Variants in OR2C1 observed in about 807,000 individuals in gnomAD.
OR2C1 encodes the protein olfactory receptor 2C1.
For synonymous variants in OR2C1, 209 were observed against 167.3 expected, an observed-to-expected ratio of 1.25 and a Z score of -1.92; for missense variants, 468 against 388.3, an observed-to-expected ratio of 1.21 and a Z score of -1.73.
chr16:3,352,131 T>G (rs1432481199), upstream of OR2C1, among the ~76,000 whole-genome samples: 1 of 152,126 alleles, frequency 6.6e-6, no homozygotes, highest in Non-Finnish European at 1.5e-5. Context: ...TTTAATTTTT[T>G]TTTGAGACAG....
chr16:3,327,328 A>C, the OR2C1 span, among the ~76,000 whole-genome samples: 1 of 152,128 alleles, frequency 6.6e-6, no homozygotes, highest in Non-Finnish European at 1.5e-5. Context: ...ACCCTTAAAT[A>C]GTTCAGTTTG....
chr16:3,356,342 C>T lies in OR2C1; in HGVS notation c.402C>T (p.Ala134=). ...VAVCRPLRYT[A]IMNPQLCWLL... ...TGTGCCGGCCCCTCCGCTACACCGC[C>T]ATCATGAACCCCCAGCTCTGCTGGC... Residue 134 remains alanine (A), a synonymous_variant, in exon 1 of 1, where the codon GCC becomes GCT. Transcript: ENST00000304936. 1.9e-6 allele frequency: 3 copies of T among 1,613,510 alleles called. No individual in the cohort carries two copies. Among genetic ancestry groups the T allele is most frequent in the South Asian group, 1.1e-5 (1 of 91,082 alleles).
chr16:3,331,663 G>C, the OR2C1 span, among the ~76,000 whole-genome samples: 3 of 151,912 alleles, frequency 2.0e-5, no homozygotes, highest in Non-Finnish European at 4.4e-5. Flanking sequence ...CCCATTGCTT[G>C]TTTTTGTCAG....
chr16:3,341,716 T>G, the OR2C1 span, among the ~76,000 whole-genome samples: 1 of 152,214 alleles, frequency 6.6e-6, no homozygotes, highest in African/African-American at 2.4e-5. Flanking sequence ...GTATGAGCTC[T>G]GTCACTGTGG....
chr16:3,335,905 T>G, the OR2C1 span, among the ~76,000 whole-genome samples: 1 of 152,202 alleles, frequency 6.6e-6, no homozygotes, highest in African/African-American at 2.4e-5. Context: ...GGAAGCCCTT[T>G]ATTTCTTTCT....
the OR2C1 span, among the ~76,000 whole-genome samples, chr16:3,338,390 C>T: frequency 6.6e-6 from 1 of 152,076 alleles, no homozygotes; most frequent in East Asian, 1.9e-4. Flanking sequence ...GATCTTTTAT[C>T]TTCCAGTGTA....
the OR2C1 span, among the ~76,000 whole-genome samples, chr16:3,338,538 C>CTT: frequency 4.8e-5 from 5 of 103,288 alleles, no homozygotes; most frequent in East Asian, 3.6e-4. Flanking sequence ...GTATAGGTAC[C>CTT]TTTTTTTTTT....
At chr16:3,351,551 G>T (rs1207270900), upstream of OR2C1, among the ~76,000 whole-genome samples, 1 of 152,016 alleles carries the variant, frequency 6.6e-6, no homozygotes, top group Non-Finnish European at 1.5e-5. Context: ...CTCCCGTCTT[G>T]GCCATACTTC....
upstream of OR2C1, among the ~76,000 whole-genome samples, chr16:3,355,671 A>G (rs2030653734): frequency 6.6e-6 from 1 of 151,936 alleles, no homozygotes; most frequent in South Asian, 2.1e-4. Context: ...GGTCACAGTT[A>G]CTTGGGAGGC....
At chr16:3,347,818 GAACA>G in the OR2C1 span, among the ~76,000 whole-genome samples, 1 of 115,980 alleles carries the variant, frequency 8.6e-6, no homozygotes, top group African/African-American at 2.7e-5. Context: ...GTGCACACAC[GAACA>G]CACATGCACA....
At chr16:3,328,900 C>A in the OR2C1 span, among the ~76,000 whole-genome samples, 3 of 152,036 alleles carry the variant, frequency 2.0e-5, no homozygotes, top group South Asian at 2.1e-4. Context: ...TTGGTCTTTC[C>A]TTCACTTACT....
At chr16:3,348,692 C>T in the OR2C1 span, among the ~76,000 whole-genome samples, 1 of 152,236 alleles carries the variant, frequency 6.6e-6, no homozygotes, top group Non-Finnish European at 1.5e-5. Flanking sequence ...ATACTCTCCA[C>T]CCTTAGAGTG....
chr16:3,325,460 A>AAT, the OR2C1 span, among the ~76,000 whole-genome samples: 3,155 of 91,996 alleles, frequency 0.034, 63 homozygotes, highest in Non-Finnish European at 0.042. Context: ...TATGTCTAAA[A>AAT]ATATATATAT....
At chr16:3,352,902 C>CT (rs372600272), upstream of OR2C1, among the ~76,000 whole-genome samples, 1 of 150,320 alleles carries the variant, frequency 6.7e-6, no homozygotes, top group African/African-American at 2.5e-5. Flanking sequence ...GCACCACGCC[C>CT]GGATAATTTT....
the OR2C1 span, among the ~76,000 whole-genome samples, chr16:3,338,538 C>CTTTTTTTTTTTTTTTTTT: frequency 1.5e-4 from 15 of 103,348 alleles, 2 homozygotes; most frequent in South Asian, 7.1e-4. Flanking sequence ...GTATAGGTAC[C>CTTTTTTTTTTTTTTTTTT]TTTTTTTTTT....
chr16:3,356,947 C>T lies in OR2C1; in HGVS notation c.*68C>T, dbSNP rs993440178. 1.5e-6 allele frequency: 2 copies of T among 1,317,668 alleles called. No homozygotes were observed. The highest frequency in any genetic ancestry group is 2.1e-6 in the Non-Finnish European group (2 of 970,886). The allele number at this position is 1,317,668 out of a possible 1,614,324, so 81.6% of individuals were successfully genotyped here. Reference sequence around the variant, plus strand: ...GCGTTTCTCATTAACTCTCTCTGGCCAGGTGAACATGAGGAATACTAATTC... The same window carrying T: ...GCGTTTCTCATTAACTCTCTCTGGCTAGGTGAACATGAGGAATACTAATTC... On this transcript the variant is annotated 3_prime_UTR_variant, in exon 1 of 1. Transcript: ENST00000304936.
At chr16:3,342,331 A>T in the OR2C1 span, among the ~76,000 whole-genome samples, 1 of 152,220 alleles carries the variant, frequency 6.6e-6, no homozygotes, top group African/African-American at 2.4e-5. Flanking sequence ...AATATTAAGG[A>T]TTTCTGTTCA....
the OR2C1 span, among the ~76,000 whole-genome samples, chr16:3,347,494 C>T: frequency 6.6e-6 from 1 of 150,934 alleles, no homozygotes; most frequent in South Asian, 2.1e-4. Context: ...CGGAGTTTTG[C>T]TCTGTTGCCC....
At chr16:3,325,089 C>G in the OR2C1 span, among the ~76,000 whole-genome samples, 1 of 152,102 alleles carries the variant, frequency 6.6e-6, no homozygotes, top group South Asian at 2.1e-4. Flanking sequence ...TCAAGTGGTT[C>G]TTTTGTCTCA....
Sources: allele counts gnomAD v4.1 joint callset (sites outside exome capture counted in the v4.1 genomes callset), GRCh38; gene constraint gnomAD v4.1.1; transcripts MANE v1.5; gene names NCBI Gene and HGNC (gene_info 2026-07-23, HGNC 2026-07-21).